DNM3: variants seen among roughly 807,000 people sequenced by gnomAD.
The protein encoded by DNM3 is dynamin 3.
A neutral mutation model predicts 101.6 loss-of-function variants in DNM3; 47 were observed. The ratio of observed to expected loss-of-function variants is 0.46; its 90% CI spans 0.37 to 0.59. The LOEUF is 0.59. Ranked by LOEUF, DNM3 falls within the 20% of genes least tolerant of loss-of-function variation. The probability of loss-of-function intolerance (pLI) is 0.00; values close to 1 mark genes in which losing one functional copy is unlikely to be tolerated. For missense variants in DNM3, 849 were observed against 1,085.7 expected (o/e 0.78, Z 3.06); for synonymous variants, 385 against 387.9 (o/e 0.99, Z 0.09).
At chr1:172,167,069 A>C (rs1169307128) in intron 14 of DNM3, among the ~76,000 whole-genome samples, 3 of 151,510 alleles carry the variant, frequency 2.0e-5, no homozygotes, top group East Asian at 1.9e-4. Flanking sequence ...TCCCTCCCCC[A>C]TCTCCCCACC....
chr1:172,351,536 A>G (rs966634573), intron 17 of DNM3, among the ~76,000 whole-genome samples: 1 of 152,150 alleles, frequency 6.6e-6, no homozygotes, highest in Non-Finnish European at 1.5e-5. Context: ...TGCATAAACC[A>G]TTGGCTCAAA....
At chr1:172,052,802 C>T (rs1392346725) in intron 10 of DNM3, among the ~76,000 whole-genome samples, 1 of 152,130 alleles carries the variant, frequency 6.6e-6, no homozygotes, top group Non-Finnish European at 1.5e-5. Context: ...ACTATATTTT[C>T]TCCTTGACAG....
chr1:172,095,634 G>A (rs182284486), intron 13 of DNM3, among the ~76,000 whole-genome samples: 135 of 152,226 alleles, frequency 8.9e-4, no homozygotes, highest in African/African-American at 2.6e-3. Flanking sequence ...GGCTTTTCTG[G>A]TTGGTGGGGC....
chr1:172,211,233 A>AT (rs1032892540), intron 14 of DNM3, among the ~76,000 whole-genome samples: 3 of 151,982 alleles, frequency 2.0e-5, no homozygotes, highest in Non-Finnish European at 4.4e-5. Context: ...AGAGAGCGAG[A>AT]TTTTTCTGAT....
chr1:171,851,797 G>A (rs6425456), intron 1 of DNM3, among the ~76,000 whole-genome samples: 113,752 of 152,170 alleles, frequency 0.75, 43,209 homozygotes, highest in African/African-American at 0.9. Flanking sequence ...ACAGTGTTAA[G>A]CGAAGTATCA....
intron 13 of DNM3, among the ~76,000 whole-genome samples, chr1:172,122,584 T>C (rs1322606785): frequency 2.0e-5 from 3 of 152,202 alleles, no homozygotes; most frequent in African/African-American, 2.4e-5. Context: ...TTTAGCTTAA[T>C]TTAACATCAG....
At chr1:172,275,780 C>CTAT (rs1194944401) in intron 15 of DNM3, among the ~76,000 whole-genome samples, 1 of 152,096 alleles carries the variant, frequency 6.6e-6, no homozygotes, top group Non-Finnish European at 1.5e-5. Context: ...GTAACATCAT[C>CTAT]TATTATTAAA....
intron 4 of DNM3, among the ~76,000 whole-genome samples, chr1:171,998,234 A>G (rs1322892434): frequency 6.6e-6 from 1 of 152,168 alleles, no homozygotes; most frequent in Non-Finnish European, 1.5e-5. Context: ...AGAAGCCAAA[A>G]TATGAAATTT....
At chr1:171,887,581 C>T (rs2036887630) in intron 1 of DNM3, among the ~76,000 whole-genome samples, 1 of 151,978 alleles carries the variant, frequency 6.6e-6, no homozygotes, top group Non-Finnish European at 1.5e-5. Context: ...AGATCTTTTT[C>T]TGATGATTTA....
Position 172,409,982 on chromosome 1 carries a change from C to G in DNM3, c.*2141C>G. ...CAATTTTCCTTCCACTGATCTTAGGCAGTAATAAACAATGGCATTTGTCAT... is the reference window on the plus strand; with the variant it reads ...CAATTTTCCTTCCACTGATCTTAGGGAGTAATAAACAATGGCATTTGTCAT... On this transcript the variant is annotated 3_prime_UTR_variant, in exon 21 of 21. Transcript: ENST00000627582. The G allele has an allele frequency of 1.0e-6, 1 of 985,676 alleles. No individual in the cohort carries two copies. Among genetic ancestry groups the G allele is most frequent in the African/African-American group, 1.7e-5 (1 of 57,350 alleles). The allele number at this position is 985,676 out of a possible 1,614,324, so 61.1% of individuals were successfully genotyped here.
chr1:172,218,408 G>T (rs2060783352), intron 14 of DNM3, among the ~76,000 whole-genome samples: 1 of 151,936 alleles, frequency 6.6e-6, no homozygotes, highest in African/African-American at 2.4e-5. Flanking sequence ...AATGAGTAAG[G>T]GTAAGGAGGA....
intron 1 of DNM3, among the ~76,000 whole-genome samples, chr1:171,886,133 G>T (rs1229928067): frequency 6.6e-6 from 1 of 152,200 alleles, no homozygotes; most frequent in African/African-American, 2.4e-5. Flanking sequence ...TGGCTTCTGA[G>T]ATATAATGAG....
intron 17 of DNM3, among the ~76,000 whole-genome samples, chr1:172,326,248 A>T (rs2422078): frequency 0.53 from 79,846 of 151,404 alleles, 21,539 homozygotes; most frequent in Middle Eastern, 0.67. Flanking sequence ...CTCAGGAAAA[A>T]TTTTCCTTCC....
At chr1:172,334,657 C>T (rs2066339104) in intron 17 of DNM3, among the ~76,000 whole-genome samples, 2 of 152,134 alleles carry the variant, frequency 1.3e-5, no homozygotes, top group South Asian at 4.1e-4. Flanking sequence ...ACATGCAGTC[C>T]ACACTTTCCA....
intron 18 of DNM3, among the ~76,000 whole-genome samples, chr1:172,386,105 A>C (rs1306344080): frequency 6.6e-6 from 1 of 152,220 alleles, no homozygotes; most frequent in Non-Finnish European, 1.5e-5. Context: ...AGTGTGTGAT[A>C]AGAATTGTCA....
At chr1:172,137,978 C>T (rs2057339195) in intron 14 of DNM3, 2 of 152,228 alleles carry the variant, frequency 1.3e-5, no homozygotes, top group East Asian at 1.9e-4. Context: ...ATTGCCTGAA[C>T]ATCTCAAGAT....
intron 14 of DNM3, among the ~76,000 whole-genome samples, chr1:172,211,142 T>A (rs1271422881): frequency 6.6e-6 from 1 of 152,132 alleles, no homozygotes; most frequent in Non-Finnish European, 1.5e-5. Flanking sequence ...ACCCTATCTA[T>A]AAAGATATTT....
In DNM3 at chr1:172,388,734, C is replaced by A. The variant is rs750219897; in HGVS notation, c.2447C>A (p.Pro816His). Residue 816 changes from proline to histidine, a missense_variant, in exon 20 of 21, where the codon CCC (proline) becomes CAC (histidine). Pro to His is a moderately conservative substitution (Grantham distance 77). This residue lies in a region of DNM3 where 256 missense variants were observed against 311.7 expected (regional missense o/e 0.82). Coordinates refer to ENST00000627582, the MANE Select transcript of DNM3 (RefSeq NM_015569.5). ...CGTCCAGGCCCATTACCTCCTTTCC[C>A]CAGCAGCAGTGACTCCTTCGGAGCC... ...PFRPGPLPPF[P>H]SSSDSFGAPP... 1 of 1,613,064 alleles carries A rather than the reference C, an allele frequency of 6.2e-7. No homozygotes were observed. The highest frequency in any genetic ancestry group is 1.7e-5 in the Admixed American group (1 of 59,900).
At chr1:172,363,439 T>C (rs1261985035) in intron 17 of DNM3, among the ~76,000 whole-genome samples, 2 of 151,946 alleles carry the variant, frequency 1.3e-5, no homozygotes, top group East Asian at 3.9e-4. Context: ...CTGAGCATAT[T>C]ATTTTACTCT....
Sources: allele counts gnomAD v4.1 joint callset (sites outside exome capture counted in the v4.1 genomes callset), GRCh38; gene constraint gnomAD v4.1.1; regional missense constraint gnomAD v4.1.1; transcripts MANE v1.5; gene names NCBI Gene and HGNC (gene_info 2026-07-23, HGNC 2026-07-21).